Variants in COL28A1 observed in about 807,000 individuals in gnomAD.
The protein encoded by COL28A1 is collagen alpha-1(XXVIII) chain.
COL28A1 carries 161 observed loss-of-function variants against 150.2 expected under a neutral mutation model. The observed-to-expected ratio is 1.07, with a 90% CI of 0.94 to 1.22. The LOEUF (loss-of-function observed/expected upper bound fraction) is 1.22. Ranked by LOEUF, COL28A1 falls within the 50% of genes most tolerant of loss-of-function variation. The probability of loss-of-function intolerance (pLI) is 0.00; values close to 1 mark genes in which losing one functional copy is unlikely to be tolerated. For missense variants in COL28A1, 1,617 were observed against 1,388.3 expected, an observed-to-expected ratio of 1.16 and a Z score of -2.62; for synonymous variants, 552 against 469.7, an observed-to-expected ratio of 1.18 and a Z score of -2.26.
intron 27 of COL28A1, among the ~76,000 whole-genome samples, chr7:7,393,753 G>A (rs1782679709): frequency 2.0e-5 from 3 of 152,134 alleles, no homozygotes; most frequent in Admixed American, 1.3e-4. Context: ...TTTACATTGT[G>A]AGGGGAAAAG....
rs535150742 is a variant in COL28A1 at position 7,519,278 on chromosome 7, C to T, written c.813+784G>A. ...ATCTCATGTGACTTACTCACTATCA[C>T]AAGAACAGCATGGGAAAGACCCGCC... On this transcript the variant is annotated intron_variant, in intron 6 of 34. Coordinates refer to ENST00000399429, the MANE Select transcript of COL28A1 (RefSeq NM_001037763.3). 7.2e-5 allele frequency among the ~76,000 whole-genome samples: 11 copies of T among 152,278 alleles called. No homozygotes were observed. In the South Asian group the frequency reaches 2.1e-3, roughly 29 times the overall value.
At chr7:7,372,753 G>A (rs6945820) in intron 32 of COL28A1, among the ~76,000 whole-genome samples, 92,741 of 152,022 alleles carry the variant, frequency 0.61, 32,054 homozygotes, top group East Asian at 0.87. Flanking sequence ...TGTTGACCAT[G>A]GACTCTAGTT....
chr7:7,516,871 G>C (rs1414915517), intron 7 of COL28A1, among the ~76,000 whole-genome samples: 1 of 152,062 alleles, frequency 6.6e-6, no homozygotes, highest in East Asian at 1.9e-4. Context: ...TGGTATTACA[G>C]GTATGAGTCA....
chr7:7,526,560 T>C (rs1195759952), intron 3 of COL28A1, among the ~76,000 whole-genome samples: 1 of 152,188 alleles, frequency 6.6e-6, no homozygotes, highest in African/African-American at 2.4e-5. Flanking sequence ...AATTGTAATA[T>C]TTAAAAACCA....
intron 5 of COL28A1, among the ~76,000 whole-genome samples, chr7:7,520,776 A>G (rs979865108): frequency 9.2e-5 from 14 of 152,148 alleles, no homozygotes; most frequent in African/African-American, 2.9e-4. Flanking sequence ...AGCAATTGTG[A>G]GCTTTCTTAT....
chr7:7,518,345 C>T (rs1418192143), intron 6 of COL28A1, among the ~76,000 whole-genome samples: 4 of 151,992 alleles, frequency 2.6e-5, no homozygotes, highest in Non-Finnish European at 4.4e-5. Flanking sequence ...TCAGTTTGGA[C>T]GTATATAAGA....
chr7:7,503,106 T>C (rs1780625893), intron 11 of COL28A1, among the ~76,000 whole-genome samples: 1 of 152,158 alleles, frequency 6.6e-6, no homozygotes, highest in Admixed American at 6.5e-5. Context: ...TTCCACACTG[T>C]CAAAAAGAAA....
chr7:7,396,258 T>C (rs1030362827), intron 27 of COL28A1, among the ~76,000 whole-genome samples: 3 of 152,180 alleles, frequency 2.0e-5, no homozygotes, highest in Non-Finnish European at 2.9e-5. Flanking sequence ...GCAACTGCCA[T>C]TTATTGTGTG....
chr7:7,427,572 TG>T (rs1282955741), intron 25 of COL28A1, among the ~76,000 whole-genome samples: 1 of 152,170 alleles, frequency 6.6e-6, no homozygotes, highest in African/African-American at 2.4e-5. Context: ...TGTACATATG[TG>T]AGCCATTGCA....
At chr7:7,339,377 C>G in the COL28A1 span, among the ~76,000 whole-genome samples, 6 of 152,120 alleles carry the variant, frequency 3.9e-5, no homozygotes, top group Admixed American at 6.5e-5. Flanking sequence ...CTGTATCTGT[C>G]CTGTTGTTCA....
intron 27 of COL28A1, among the ~76,000 whole-genome samples, chr7:7,387,926 G>C (rs970586564): frequency 6.6e-6 from 1 of 152,134 alleles, no homozygotes; most frequent in Non-Finnish European, 1.5e-5. Flanking sequence ...TTCTCCCTAC[G>C]CAGAAACAGC....
At chr7:7,396,135 T>C (rs1037339728) in intron 27 of COL28A1, among the ~76,000 whole-genome samples, 1 of 152,186 alleles carries the variant, frequency 6.6e-6, no homozygotes, top group African/African-American at 2.4e-5. Context: ...AAATTATACA[T>C]ATTGATAGAA....
intron 28 of COL28A1, among the ~76,000 whole-genome samples, 164 bp downstream of exon 28, chr7:7,381,380 T>C (rs1781862076): frequency 6.6e-6 from 1 of 152,244 alleles, no homozygotes; most frequent in South Asian, 2.1e-4. Flanking sequence ...AACCTATTTA[T>C]AGGTAGACAA....
At chr7:7,447,935 G>A (rs528369945) in intron 18 of COL28A1, among the ~76,000 whole-genome samples, 55 of 152,190 alleles carry the variant, frequency 3.6e-4, no homozygotes, top group African/African-American at 1.3e-3. Context: ...AGGAGTGGTG[G>A]TGCCGCCTGT....
chr7:7,367,500 A>G (rs1780997287), intron 33 of COL28A1, among the ~76,000 whole-genome samples: 1 of 152,152 alleles, frequency 6.6e-6, no homozygotes, highest in South Asian at 2.1e-4. Flanking sequence ...AGTTCATTGC[A>G]AGGTCCCACT....
At chr7:7,480,405 A>T (rs1789287624) in intron 13 of COL28A1, among the ~76,000 whole-genome samples, 1 of 152,232 alleles carries the variant, frequency 6.6e-6, no homozygotes. Context: ...AATATCCATG[A>T]CAGTTTATTG....
chr7:7,351,004 C>G, the COL28A1 span, among the ~76,000 whole-genome samples: 1 of 152,070 alleles, frequency 6.6e-6, no homozygotes, highest in Non-Finnish European at 1.5e-5. Context: ...CCACAAGTCT[C>G]AATTTACTTA....
rs1782433595 is a variant in COL28A1 at position 7,532,645 on chromosome 7, G to A, written c.124+107C>T. ...ATTTTATCAAAGTAGACTATCACAT[G>A]TATACATGTATATGGCTTGCTATTT... On this transcript the variant is annotated intron_variant, in intron 2 of 34. Coordinates refer to ENST00000399429, the MANE Select transcript of COL28A1 (RefSeq NM_001037763.3). 7.3e-6 allele frequency: 10 copies of A among 1,370,154 alleles called. No homozygotes were observed. In the South Asian group the frequency reaches 1.3e-4, roughly 18 times the overall value. The allele number at this position is 1,370,154 out of a possible 1,614,324, so 84.9% of individuals were successfully genotyped here.
At position 7,392,201 on chromosome 7, in the gene COL28A1, T is replaced by C. The variant is rs180875309; in HGVS notation, c.2137-10589A>G. On this transcript the variant is annotated intron_variant, in intron 27 of 34. Coordinates refer to ENST00000399429, the MANE Select transcript of COL28A1 (RefSeq NM_001037763.3). ...GTGACAAAATCTCTCAGCATTTGTTTGTCTGTAAAGGATTTTATTTCTCCT... is the reference window on the plus strand; with the variant it reads ...GTGACAAAATCTCTCAGCATTTGTTCGTCTGTAAAGGATTTTATTTCTCCT... 2.5e-3 allele frequency among the ~76,000 whole-genome samples: 375 copies of C among 152,330 alleles called. 2 individuals carry two copies. The highest frequency in any genetic ancestry group is 3.9e-3 in the Non-Finnish European group (266 of 68,022).
Sources: allele counts gnomAD v4.1 joint callset (sites outside exome capture counted in the v4.1 genomes callset), GRCh38; gene constraint gnomAD v4.1.1; transcripts MANE v1.5; gene names NCBI Gene and HGNC (gene_info 2026-07-23, HGNC 2026-07-21).